BICD1: variants seen among roughly 807,000 people sequenced by gnomAD.
BICD1 encodes the protein protein bicaudal D homolog 1.
In BICD1, 35 loss-of-function variants were observed where a neutral mutation model predicts 92.5. The observed-to-expected ratio is 0.38, with a 90% CI of 0.29 to 0.50. The LOEUF (loss-of-function observed/expected upper bound fraction) is 0.50. Ranked by LOEUF, BICD1 falls within the 20% of genes least tolerant of loss-of-function variation. The pLI, the probability that BICD1 is intolerant of heterozygous loss-of-function variation, is 0.93. For missense variants in BICD1, 950 were observed against 1,189.8 expected (o/e 0.80, Z 2.97); for synonymous variants, 429 against 465.1 (o/e 0.92, Z 1.00).
At chr12:32,167,924 T>G (rs1361671894) in intron 1 of BICD1, among the ~76,000 whole-genome samples, 1 of 152,196 alleles carries the variant, frequency 6.6e-6, no homozygotes, top group East Asian at 1.9e-4. Flanking sequence ...GTGAAGTTTC[T>G]TAACTTCCTT....
In BICD1 at chr12:32,253,734, G is replaced by A. The variant is rs530275680; in HGVS notation, c.426+37275G>A. ...CTGTTTCCCTCTAACTGCAATACAA[G>A]CTCTTGTGGACTGGAACCACACCTG... On this transcript the variant is annotated intron_variant, in intron 2 of 9. Coordinates refer to ENST00000652176, the MANE Select transcript of BICD1 (RefSeq NM_001714.4). 5.9e-5 allele frequency among the ~76,000 whole-genome samples: 9 copies of A among 152,170 alleles called. No homozygotes were observed. In the South Asian group the frequency reaches 1.0e-3, roughly 18 times the overall value.
intron 1 of BICD1, among the ~76,000 whole-genome samples, chr12:32,214,034 G>A (rs183285061): frequency 1.3e-5 from 2 of 152,034 alleles, no homozygotes; most frequent in Admixed American, 1.3e-4. Flanking sequence ...TCTTTCTTCT[G>A]CTATTTATTG....
intron 4 of BICD1, among the ~76,000 whole-genome samples, chr12:32,317,554 G>A (rs1408692680): frequency 6.6e-6 from 1 of 152,130 alleles, no homozygotes; most frequent in African/African-American, 2.4e-5. Context: ...TGATGGGGTT[G>A]TTTGTTTTTT....
intron 4 of BICD1, 134 bp downstream of exon 4, chr12:32,306,256 C>T: frequency 9.6e-7 from 1 of 1,040,098 alleles, no homozygotes; most frequent in Non-Finnish European, 1.3e-6. Context: ...CTTTTCTGTT[C>T]TTTTCGAGAC....
intron 2 of BICD1, among the ~76,000 whole-genome samples, chr12:32,281,606 A>G (rs140174417): frequency 6.6e-6 from 1 of 152,180 alleles, no homozygotes; most frequent in African/African-American, 2.4e-5. Context: ...TTTTAAAGAG[A>G]TAGAATAAAG....
In BICD1 at chr12:32,328,406, C is replaced by T. The variant is rs769953540; in HGVS notation, c.1951C>T (p.Arg651Cys). Residue 651 changes from arginine to cysteine, a missense_variant, in exon 5 of 10, where the codon CGT becomes TGT. By Grantham distance (180) the Arg-to-Cys change is radical. Transcript: ENST00000652176. This position sits in a 1 kb window ranked among gnomAD's most constrained non-coding sequence, Gnocchi z 4.4. ...TGTGGACCGGTCCTTGCAACTGTCT[C>T]GTCAAAGAGCAGCGGCTCGGGAGCT... ...KAVDRSLQLS[R>C]QRAAARELAP... 1.1e-5 allele frequency: 18 copies of T among 1,614,066 alleles called. No homozygotes were observed. The Admixed American group carries it at 1.3e-4, about 12-fold the overall frequency.
intron 5 of BICD1, chr12:32,333,278 A>C: frequency 1.0e-6 from 1 of 981,664 alleles, no homozygotes; most frequent in Non-Finnish European, 1.2e-6. Context: ...AATCTGTAAT[A>C]TTTCTGAAGA....
At chr12:32,271,082 A>T (rs1947127296) in intron 2 of BICD1, among the ~76,000 whole-genome samples, 1 of 152,176 alleles carries the variant, frequency 6.6e-6, no homozygotes, top group Non-Finnish European at 1.5e-5. Flanking sequence ...ATTCTTTCCC[A>T]GGGCTGGGGG....
At chr12:32,138,697 A>G (rs1942809927) in intron 1 of BICD1, among the ~76,000 whole-genome samples, 1 of 152,168 alleles carries the variant, frequency 6.6e-6, no homozygotes, top group African/African-American at 2.4e-5. Flanking sequence ...AAGTGTTTTG[A>G]GCATGTTTAA....
chr12:32,209,545 A>G (rs1945153936), intron 1 of BICD1, among the ~76,000 whole-genome samples: 1 of 152,240 alleles, frequency 6.6e-6, no homozygotes, highest in African/African-American at 2.4e-5. Flanking sequence ...TCAGGCCACT[A>G]GCCAACCCTT....
At chr12:32,224,128 G>A (rs140601042) in intron 2 of BICD1, among the ~76,000 whole-genome samples, 1,704 of 152,288 alleles carry the variant, frequency 0.011, 9 homozygotes, top group Middle Eastern at 0.048. Flanking sequence ...GGGAGCTGTG[G>A]TTACACATAG....
At chr12:32,128,478 T>TA (rs200927416) in intron 1 of BICD1, among the ~76,000 whole-genome samples, 15,595 of 152,186 alleles carry the variant, frequency 0.1, 1,056 homozygotes, top group Middle Eastern at 0.2. Context: ...AATAACCTCA[T>TA]AATCACATAA....
chr12:32,135,692 C>T (rs1942713346), intron 1 of BICD1, among the ~76,000 whole-genome samples: 1 of 152,114 alleles, frequency 6.6e-6, no homozygotes, highest in African/African-American at 2.4e-5. Flanking sequence ...GAACCTTCAC[C>T]TTTCTTTTAG....
In BICD1 at chr12:32,337,721, A is replaced by C; in HGVS notation, c.2475A>C (p.Ala825=). The C allele has an allele frequency of 6.2e-7, 1 of 1,614,192 alleles. No individual in the cohort carries two copies. The highest frequency in any genetic ancestry group is 8.5e-7 in the Non-Finnish European group (1 of 1,180,030). Residue 825 remains alanine, a synonymous_variant, in exon 7 of 10, where the codon GCA becomes GCC. Coordinates refer to ENST00000652176, the MANE Select transcript of BICD1 (RefSeq NM_001714.4). This position sits in a 1 kb window ranked among gnomAD's most constrained non-coding sequence, Gnocchi z 4.7. ...KIGSPKVSGE[A]SVTVPTIDTY... ...GCAGCCCTAAAGTAAGTGGGGAGGC[A>C]TCAGTCACCGTGCCCACCATAGACA...
At chr12:32,180,708 C>T (rs914053281) in intron 1 of BICD1, among the ~76,000 whole-genome samples, 2 of 151,954 alleles carry the variant, frequency 1.3e-5, no homozygotes, top group Non-Finnish European at 2.9e-5. Flanking sequence ...TGTTATTCTG[C>T]CTTCCAGAAC....
intron 2 of BICD1, among the ~76,000 whole-genome samples, chr12:32,234,654 C>T (rs1946008299): frequency 6.7e-6 from 1 of 149,152 alleles, no homozygotes; most frequent in Non-Finnish European, 1.5e-5. Flanking sequence ...TAACTAAACA[C>T]CACTTTTTTT....
At chr12:32,225,150 C>G (rs975697849) in intron 2 of BICD1, among the ~76,000 whole-genome samples, 1 of 152,160 alleles carries the variant, frequency 6.6e-6, no homozygotes, top group Non-Finnish European at 1.5e-5. Flanking sequence ...GATCTATTCT[C>G]TATTACTATA....
intron 4 of BICD1, among the ~76,000 whole-genome samples, chr12:32,323,596 C>T (rs1027326103): frequency 6.6e-6 from 1 of 152,172 alleles, no homozygotes; most frequent in African/African-American, 2.4e-5. Context: ...TTTCTGCAGC[C>T]ATAATATATA....
chr12:32,125,334 T>G (rs910225034), intron 1 of BICD1, among the ~76,000 whole-genome samples: 1 of 152,212 alleles, frequency 6.6e-6, no homozygotes, highest in Non-Finnish European at 1.5e-5. Flanking sequence ...CCATTTGATT[T>G]GTTAATTAGG....
Sources: allele counts gnomAD v4.1 joint callset (sites outside exome capture counted in the v4.1 genomes callset), GRCh38; gene constraint gnomAD v4.1.1; non-coding constraint Gnocchi (gnomAD v3.1); transcripts MANE v1.5; gene names NCBI Gene and HGNC (gene_info 2026-07-23, HGNC 2026-07-21).